Variants in KIF1A observed in about 807,000 individuals in gnomAD.
KIF1A encodes kinesin-like protein KIF1A.
A neutral mutation model predicts 227.3 loss-of-function variants in KIF1A; 46 were observed. That is an observed-to-expected ratio of 0.20 (90% CI 0.16 to 0.26). The LOEUF is 0.26. Among genes scored for constraint, KIF1A ranks in the 10% least tolerant of loss-of-function variants. The pLI, the probability that KIF1A is intolerant of heterozygous loss-of-function variation, is 1.00. For synonymous variants in KIF1A, 1,022 were observed against 1,012.8 expected, an observed-to-expected ratio of 1.01 and a Z score of -0.17; for missense variants, 1,683 against 2,485.9, an observed-to-expected ratio of 0.68 and a Z score of 6.87.
chr2:240,754,350 G>C (rs2049581826), intron 27 of KIF1A, among the ~76,000 whole-genome samples: 1 of 83,430 alleles, frequency 1.2e-5, no homozygotes, highest in Admixed American at 1.1e-4. Flanking sequence ...CTCTAGTGCT[G>C]GGTGCTCTCC....
At position 240,752,904 on chromosome 2, in the gene KIF1A, C is replaced by T. The variant is rs1217824797; in HGVS notation, c.2859-2357G>A. 2.6e-5 allele frequency among the ~76,000 whole-genome samples: 4 copies of T among 152,148 alleles called. No homozygotes were observed. Among genetic ancestry groups the T allele is most frequent in the South Asian group, 2.1e-4 (1 of 4,822 alleles). ...GGCACGGGGTTCCTGAATCCATTGG[C>T]GCAGCTCACAGGAAGGAGAGGCTAG... On this transcript the variant is annotated intron_variant, in intron 27 of 48. Transcript: ENST00000498729. The surrounding 1 kb of genome is among the most constrained non-coding windows in gnomAD (Gnocchi z 6.4).
chr2:240,782,699 C>G lies in KIF1A; in HGVS notation c.865-92G>C, dbSNP rs534712366. On this transcript the variant is annotated intron_variant, in intron 9 of 48. Coordinates refer to ENST00000498729, the MANE Select transcript of KIF1A (RefSeq NM_001244008.2). ...AGAGCAGGCGGCCCGGCTGCCTCGC[C>G]CTGGCCATGACTCAGGCTCTACCAC... 281 of 1,346,864 alleles carry G rather than the reference C, an allele frequency of 2.1e-4. 1 individual carries two copies. In the African/African-American group the frequency reaches 3.6e-3, roughly 17 times the overall value. The allele number at this position is 1,346,864 out of a possible 1,614,324, so 83.4% of individuals were successfully genotyped here. A position where few individuals can be genotyped will look rare whatever the true frequency, so the allele number is the denominator to read the frequency against.
At chr2:240,730,495 C>T (rs949154488) in intron 38 of KIF1A, among the ~76,000 whole-genome samples, 3 of 152,220 alleles carry the variant, frequency 2.0e-5, no homozygotes, top group East Asian at 1.9e-4. Context: ...CTCTATCCCA[C>T]GTGACAGCAC....
At position 240,722,586 on chromosome 2, in the gene KIF1A, G is replaced by A; in HGVS notation, c.4535C>T (p.Ala1512Val). ...LETAQRPVPEALSPAFSEDSE... is the reference protein window; with the variant it reads ...LETAQRPVPEVLSPAFSEDSE... The stretch of plus-strand genomic sequence containing the variant: ...GTCCTCGCTGAAGGCCGGGGACAGT[G>A]CCTCCGGGACAGGCCGCTGGGCGGT... The change falls in exon 43 of 49, where the codon GCA becomes GTA. Residue 1512 changes from alanine (A) to valine (V), a missense_variant. Physicochemically the swap from Ala to Val is moderately conservative, Grantham distance 64. Around this residue, in one of 12 missense-constraint regions of KIF1A, gnomAD observed 384 missense variants for 410.1 expected, o/e 0.94. Transcript: ENST00000498729. 6.4e-7 allele frequency: 1 copy of A among 1,563,436 alleles called. No homozygotes were observed. The highest frequency in any genetic ancestry group is 8.7e-7 in the Non-Finnish European group (1 of 1,154,258).
At chr2:240,723,585 C>T (rs946666604) in intron 41 of KIF1A, 27 bp from the exon 42 acceptor site, 2 of 1,516,394 alleles carry the variant, frequency 1.3e-6, no homozygotes, top group African/African-American at 1.4e-5. Context: ...GACATTCCAC[C>T]CCTACCTGAT....
chr2:240,799,067 T>A (rs114954610), intron 1 of KIF1A, among the ~76,000 whole-genome samples: 1 of 152,156 alleles, frequency 6.6e-6, no homozygotes, highest in Non-Finnish European at 1.5e-5. Context: ...CATCCTACAG[T>A]GCCCCAGCCT....
In KIF1A at chr2:240,801,058, A is replaced by C. The variant is rs937373103; in HGVS notation, c.-60-3246T>G. On this transcript the variant is annotated intron_variant, in intron 1 of 48. Coordinates refer to ENST00000498729, the MANE Select transcript of KIF1A (RefSeq NM_001244008.2). ...AATCTCTGTACTCTACATTCTTTTA[A>C]TAGGCAATGTGTGACATCCAATCAA... Among the ~76,000 whole-genome samples, 3 of 152,200 alleles carry C rather than the reference A, an allele frequency of 2.0e-5. No individual in the cohort carries two copies. The East Asian group carries it at 5.8e-4, about 29-fold the overall frequency.
chr2:240,818,020 G>C (rs1276099370), intron 1 of KIF1A, among the ~76,000 whole-genome samples: 1 of 152,244 alleles, frequency 6.6e-6, no homozygotes, highest in Non-Finnish European at 1.5e-5. Context: ...AGATGGGGCA[G>C]TCTGTGGGAC....
chr2:240,744,494 T>A (rs1216692133), intron 32 of KIF1A, among the ~76,000 whole-genome samples: 1 of 152,164 alleles, frequency 6.6e-6, no homozygotes, highest in African/African-American at 2.4e-5. Context: ...TATCCTGGGA[T>A]AGGGCCTTTA....
Position 240,733,414 on chromosome 2 carries a change from C to T in KIF1A, c.4007+3649G>A, listed in dbSNP as rs539492924. 2.0e-5 allele frequency among the ~76,000 whole-genome samples: 3 copies of T among 152,278 alleles called. No homozygotes were observed. The South Asian group carries it at 6.2e-4, about 32-fold the overall frequency. On this transcript the variant is annotated intron_variant, in intron 38 of 48. Transcript: ENST00000498729. ...CCTGCTCAGGCCCTGCAGGGCCGTGCTCCCTCCTCAGCCCAGCCACCATCA... is the reference window on the plus strand; with the variant it reads ...CCTGCTCAGGCCCTGCAGGGCCGTGTTCCCTCCTCAGCCCAGCCACCATCA...
At chr2:240,718,289 A>T in intron 47 of KIF1A, 121 bp from the exon 48 acceptor site, 1 of 741,218 alleles carries the variant, frequency 1.3e-6, no homozygotes, top group Non-Finnish European at 2.4e-6. Flanking sequence ...CAGGGAGGGG[A>T]CACGGAGGGG....
intron 1 of KIF1A, among the ~76,000 whole-genome samples, chr2:240,798,741 G>A (rs868491923): frequency 2.0e-5 from 3 of 152,202 alleles, no homozygotes; most frequent in Non-Finnish European, 4.4e-5. Flanking sequence ...TGGGACTTGC[G>A]GCCTGAACGA....
intron 38 of KIF1A, among the ~76,000 whole-genome samples, chr2:240,735,951 A>C (rs1344252354): frequency 1.3e-5 from 2 of 151,472 alleles, no homozygotes; most frequent in African/African-American, 2.4e-5. Flanking sequence ...AGCTGCATCC[A>C]CCCTGCCCAG....
At chr2:240,799,929 C>T (rs899172384) in intron 1 of KIF1A, among the ~76,000 whole-genome samples, 13 of 152,136 alleles carry the variant, frequency 8.5e-5, no homozygotes, top group Admixed American at 4.6e-4. Flanking sequence ...AGTGCAATTC[C>T]GATAAGCAAA....
intron 1 of KIF1A, among the ~76,000 whole-genome samples, chr2:240,807,130 G>GTGTATATATATATATATA (rs1356399506): frequency 4.2e-5 from 5 of 119,492 alleles, no homozygotes; most frequent in South Asian, 6.3e-4. Context: ...GTGTGTGTGT[G>GTGTATATATATATATATA]TATATATATA....
intron 37 of KIF1A, chr2:240,737,391 GCCACAGTGAACAC>G (rs1439885724): frequency 4.2e-6 from 2 of 478,730 alleles, no homozygotes; most frequent in Non-Finnish European, 7.8e-6. Flanking sequence ...CTGTCTCTCG[GCCACAGTGAACAC>G]CCCCGTATAC....
At position 240,736,857 on chromosome 2, in the gene KIF1A, A is replaced by G. The variant is rs2047376018; in HGVS notation, c.4007+206T>C. 6.6e-6 allele frequency among the ~76,000 whole-genome samples: 1 copy of G among 152,178 alleles called. No individual in the cohort carries two copies. Among genetic ancestry groups the G allele is most frequent in the African/African-American group, 2.4e-5 (1 of 41,440 alleles). On this transcript the variant is annotated intron_variant, in intron 38 of 48. Transcript: ENST00000498729. This position sits in a 1 kb window ranked among gnomAD's most constrained non-coding sequence, Gnocchi z 4.7. ...AACAAATGGGCATGGGGATGCCTGAACCAGCAACGAGGTGCACAAACGAGG... is the reference window on the plus strand; with the variant it reads ...AACAAATGGGCATGGGGATGCCTGAGCCAGCAACGAGGTGCACAAACGAGG...
At chr2:240,721,295 T>G (rs964225746) in intron 44 of KIF1A, among the ~76,000 whole-genome samples, 3 of 151,628 alleles carry the variant, frequency 2.0e-5, no homozygotes, top group Non-Finnish European at 4.4e-5. Flanking sequence ...CCTCGAGGAG[T>G]GGGCTGGGTA....
intron 46 of KIF1A, 22 bp from the exon 47 acceptor site, chr2:240,719,220 C>T (rs771308948): frequency 6.6e-5 from 104 of 1,582,960 alleles, no homozygotes; most frequent in Admixed American, 2.7e-4. Context: ...GAGAGCTGCT[C>T]GCTGGGGCCC....
Sources: allele counts gnomAD v4.1 joint callset (sites outside exome capture counted in the v4.1 genomes callset), GRCh38; gene constraint gnomAD v4.1.1; regional missense constraint gnomAD v4.1.1; non-coding constraint Gnocchi (gnomAD v3.1); transcripts MANE v1.5; gene names NCBI Gene and HGNC (gene_info 2026-07-23, HGNC 2026-07-21).